The following SVOP variants were observed in gnomAD, a reference collection of about 807,000 sequenced individuals.
The protein encoded by SVOP is synaptic vesicle 2-related protein.
In SVOP, 17 loss-of-function variants were observed where a neutral mutation model predicts 69.1. The observed-to-expected ratio is 0.25, with a 90% CI of 0.17 to 0.37. The LOEUF (loss-of-function observed/expected upper bound fraction) is 0.37, where lower values mean the gene tolerates loss of function less well. Ranked by LOEUF, SVOP falls within the 10% of genes least tolerant of loss-of-function variation. The probability of loss-of-function intolerance (pLI) is 1.00; values close to 1 mark genes in which losing one functional copy is unlikely to be tolerated. For missense variants in SVOP, 435 were observed against 597.5 expected, an observed-to-expected ratio of 0.73 and a Z score of 2.84; for synonymous variants, 238 against 238.6, an observed-to-expected ratio of 1.00 and a Z score of 0.02.
intron 8 of SVOP, among the ~76,000 whole-genome samples, chr12:108,939,545 G>C (rs28694684): frequency 6.6e-6 from 1 of 152,090 alleles, no homozygotes; most frequent in African/African-American, 2.4e-5. Flanking sequence ...GAAACAGCAG[G>C]TATACTGGAG....
intron 6 of SVOP, among the ~76,000 whole-genome samples, chr12:108,953,891 C>T (rs1199031851): frequency 6.6e-6 from 1 of 151,948 alleles, no homozygotes; most frequent in Non-Finnish European, 1.5e-5. Context: ...GCAGGCGAAT[C>T]GCTTGAGGTC....
intron 1 of SVOP, among the ~76,000 whole-genome samples, chr12:108,999,366 G>A (rs1002698397): frequency 2.5e-4 from 38 of 151,716 alleles, no homozygotes; most frequent in Admixed American, 1.4e-3. Flanking sequence ...AATAATGGCA[G>A]ACTTTAACAC....
intron 1 of SVOP, among the ~76,000 whole-genome samples, chr12:108,998,079 C>T (rs576916787): frequency 0.023 from 3,550 of 151,438 alleles, 147 homozygotes; most frequent in African/African-American, 0.081. Flanking sequence ...TTTAGAAGAA[C>T]GTATAACTAG....
At chr12:108,993,602 A>G (rs1593202688) in intron 1 of SVOP, among the ~76,000 whole-genome samples, 2 of 152,200 alleles carry the variant, frequency 1.3e-5, no homozygotes, top group East Asian at 3.9e-4. Flanking sequence ...TTAAAAATGG[A>G]CATCACTATA....
chr12:108,947,648 C>T (rs2039932909), intron 6 of SVOP, among the ~76,000 whole-genome samples: 1 of 152,168 alleles, frequency 6.6e-6, no homozygotes, highest in Non-Finnish European at 1.5e-5. Context: ...CACTTTCCTC[C>T]TTTTCACTTC....
chr12:109,005,273 G>T (rs995963364), intron 1 of SVOP, among the ~76,000 whole-genome samples: 6 of 152,158 alleles, frequency 3.9e-5, no homozygotes, highest in Non-Finnish European at 8.8e-5. Flanking sequence ...TTCAGTACCT[G>T]TGTGACCCTG....
chr12:108,920,958 A>G (rs1269743427), intron 12 of SVOP, among the ~76,000 whole-genome samples: 1 of 152,180 alleles, frequency 6.6e-6, no homozygotes, highest in African/African-American at 2.4e-5. Context: ...ACATGCTATT[A>G]ATTTATCAAA....
At chr12:108,998,776 C>T (rs904184165) in intron 1 of SVOP, among the ~76,000 whole-genome samples, 3 of 149,942 alleles carry the variant, frequency 2.0e-5, no homozygotes, top group Non-Finnish European at 3.0e-5. Context: ...GATTTTGTCA[C>T]CACCAGGCCT....
chr12:108,948,886 T>C (rs956903707), intron 6 of SVOP, among the ~76,000 whole-genome samples: 2 of 152,226 alleles, frequency 1.3e-5, no homozygotes, highest in African/African-American at 4.8e-5. Flanking sequence ...GACTTTTATA[T>C]TTTATTCTGT....
chr12:108,996,973 A>C (rs1367332862), intron 1 of SVOP, among the ~76,000 whole-genome samples: 1 of 152,192 alleles, frequency 6.6e-6, no homozygotes, highest in African/African-American at 2.4e-5. Flanking sequence ...ATGGCCGAAT[A>C]GGAACAGCTC....
chr12:108,960,823 C>G, intron 6 of SVOP, 100 bp downstream of exon 6: 4 of 1,411,192 alleles, frequency 2.8e-6, no homozygotes, highest in South Asian at 1.5e-5. Flanking sequence ...ATCTCTGCAC[C>G]CCTGCTGCCC....
At chr12:108,940,197 A>G (rs890433183) in intron 8 of SVOP, among the ~76,000 whole-genome samples, 2 of 152,228 alleles carry the variant, frequency 1.3e-5, no homozygotes, top group African/African-American at 4.8e-5. Flanking sequence ...AATACTTATT[A>G]TCATTACCAG....
chr12:109,018,420 C>T (rs2040380064), intron 1 of SVOP, among the ~76,000 whole-genome samples: 1 of 152,136 alleles, frequency 6.6e-6, no homozygotes, highest in Admixed American at 6.6e-5. Flanking sequence ...ATTCCCCAAC[C>T]ATGTGAACTA....
intron 1 of SVOP, among the ~76,000 whole-genome samples, chr12:109,019,020 A>G (rs997086315): frequency 2.6e-5 from 4 of 152,200 alleles, no homozygotes; most frequent in African/African-American, 9.6e-5. Flanking sequence ...GAACCCAAGT[A>G]TGTCTGATTC....
chr12:108,913,597 T>A (rs981084494), intron 15 of SVOP, among the ~76,000 whole-genome samples: 2 of 152,194 alleles, frequency 1.3e-5, no homozygotes, highest in African/African-American at 4.8e-5. Flanking sequence ...GTGCAGTGCC[T>A]GTGCCAACTT....
chr12:108,952,230 C>CTTTTTTTTTT (rs36191772), intron 6 of SVOP, among the ~76,000 whole-genome samples: 6 of 98,360 alleles, frequency 6.1e-5, no homozygotes, highest in Non-Finnish European at 9.9e-5. Flanking sequence ...TTTCTTTTCT[C>CTTTTTTTTTT]TTTTTTTTTT....
intron 1 of SVOP, among the ~76,000 whole-genome samples, chr12:109,009,762 C>T (rs575448987): frequency 2.0e-5 from 3 of 152,088 alleles, no homozygotes; most frequent in East Asian, 3.9e-4. Context: ...CTAGGGGCAT[C>T]GGCAATGTCT....
intron 1 of SVOP, among the ~76,000 whole-genome samples, chr12:109,007,058 T>C (rs777362157): frequency 9.9e-5 from 15 of 152,004 alleles, no homozygotes; most frequent in Admixed American, 3.3e-4. Flanking sequence ...TTCATCCCTT[T>C]CTCCCCAACT....
intron 15 of SVOP, 30 bp downstream of exon 15, chr12:108,915,753 C>A: frequency 6.3e-7 from 1 of 1,577,450 alleles, no homozygotes; most frequent in Non-Finnish European, 8.6e-7. Context: ...TGTCACCCCC[C>A]ATCCCTCTGT....
Sources: gnomAD v4.1 joint callset for allele counts (sites outside exome capture counted in the v4.1 genomes callset) on GRCh38, gnomAD v4.1.1 for gene constraint, MANE v1.5 for transcripts, NCBI Gene and HGNC (gene_info 2026-07-23, HGNC 2026-07-21) for gene names.